SGCZ: variants seen among roughly 807,000 people sequenced by gnomAD.
SGCZ encodes the protein zeta-sarcoglycan.
A neutral mutation model predicts 41.3 loss-of-function variants in SGCZ; 40 were observed. The ratio of observed to expected loss-of-function variants is 0.97; its 90% CI spans 0.75 to 1.26. SGCZ has a LOEUF of 1.26. SGCZ is among the 50% of genes most tolerant of loss of function. The probability of loss-of-function intolerance (pLI) is 0.00; values close to 1 mark genes in which losing one functional copy is unlikely to be tolerated. For missense variants in SGCZ, 552 were observed against 369.8 expected, an observed-to-expected ratio of 1.49 and a Z score of -4.04; for synonymous variants, 206 against 137.5, an observed-to-expected ratio of 1.50 and a Z score of -3.49.
intron 2 of SGCZ, among the ~76,000 whole-genome samples, chr8:14,455,780 G>A (rs1204195219): frequency 6.6e-6 from 1 of 152,192 alleles, no homozygotes; most frequent in African/African-American, 2.4e-5. Context: ...AAACAAGAAT[G>A]AGGACAGGCT....
At chr8:14,687,540 C>A (rs1385543587) in intron 1 of SGCZ, among the ~76,000 whole-genome samples, 1 of 151,778 alleles carries the variant, frequency 6.6e-6, no homozygotes, top group Non-Finnish European at 1.5e-5. Context: ...TTTTTTATGG[C>A]TGCATAGTAT....
intron 5 of SGCZ, among the ~76,000 whole-genome samples, chr8:14,145,023 AC>A (rs1190207640): frequency 6.6e-6 from 1 of 152,146 alleles, no homozygotes; most frequent in East Asian, 1.9e-4. Context: ...CCCTGATGGC[AC>A]CTCTGGATCT....
chr8:14,130,422 C>G (rs541836473), intron 5 of SGCZ, among the ~76,000 whole-genome samples: 7 of 152,056 alleles, frequency 4.6e-5, no homozygotes, highest in Non-Finnish European at 8.8e-5. Context: ...AGATAACAGT[C>G]CTTCCTTCCA....
chr8:15,168,750 T>A (rs1409273298), intron 1 of SGCZ, among the ~76,000 whole-genome samples: 1 of 152,192 alleles, frequency 6.6e-6, no homozygotes, highest in Admixed American at 6.5e-5. Context: ...TCTTTTCTCC[T>A]CCTCTGTCCT....
At chr8:14,275,120 G>T (rs546707569) in intron 3 of SGCZ, among the ~76,000 whole-genome samples, 1 of 152,276 alleles carries the variant, frequency 6.6e-6, no homozygotes, top group East Asian at 1.9e-4. Context: ...TGTGTCCATA[G>T]TTATGCTGGT....
intron 1 of SGCZ, among the ~76,000 whole-genome samples, chr8:14,559,926 T>C (rs1012420368): frequency 6.6e-6 from 1 of 152,142 alleles, no homozygotes; most frequent in African/African-American, 2.4e-5. Context: ...GGCGTAGATG[T>C]GAAACCCATT....
intron 3 of SGCZ, among the ~76,000 whole-genome samples, chr8:14,300,517 T>C (rs1801151513): frequency 6.6e-6 from 1 of 152,088 alleles, no homozygotes; most frequent in Non-Finnish European, 1.5e-5. Context: ...TAAAGCCATC[T>C]ACTTTTTTAT....
intron 1 of SGCZ, among the ~76,000 whole-genome samples, chr8:14,803,112 T>C (rs1420064634): frequency 1.3e-5 from 2 of 152,190 alleles, no homozygotes; most frequent in Admixed American, 1.3e-4. Flanking sequence ...TCACTGACCA[T>C]GACATATATG....
intron 3 of SGCZ, among the ~76,000 whole-genome samples, chr8:14,295,769 C>T (rs1311418067): frequency 2.0e-5 from 3 of 152,126 alleles, no homozygotes; most frequent in Non-Finnish European, 1.5e-5. Context: ...AAACACAGAG[C>T]AACCAATAGA....
chr8:14,686,176 T>C (rs1808604125), intron 1 of SGCZ, among the ~76,000 whole-genome samples: 1 of 152,142 alleles, frequency 6.6e-6, no homozygotes, highest in Admixed American at 6.6e-5. Context: ...CCAATCACTT[T>C]ATTGAGTATC....
chr8:14,327,090 T>C (rs1176472366), intron 2 of SGCZ, among the ~76,000 whole-genome samples: 2 of 152,214 alleles, frequency 1.3e-5, no homozygotes, highest in East Asian at 1.9e-4. Context: ...AAATAGTGCA[T>C]AGTCAAAGAA....
At chr8:15,218,721 C>A (rs268336) in intron 1 of SGCZ, among the ~76,000 whole-genome samples, 133,777 of 152,222 alleles carry the variant, frequency 0.88, 58,976 homozygotes, top group Non-Finnish European at 0.9. Context: ...AACATATTAA[C>A]AATAACTGAG....
intron 1 of SGCZ, among the ~76,000 whole-genome samples, chr8:14,656,695 C>T (rs1186562190): frequency 6.6e-6 from 1 of 150,988 alleles, no homozygotes; most frequent in Non-Finnish European, 1.5e-5. Flanking sequence ...CTCTCTTTCA[C>T]TCTTTCTTTC....
At chr8:14,141,708 A>C (rs1402230696) in intron 5 of SGCZ, among the ~76,000 whole-genome samples, 1 of 152,248 alleles carries the variant, frequency 6.6e-6, no homozygotes, top group Non-Finnish European at 1.5e-5. Context: ...ACACTTTTCC[A>C]CTGTTGATGG....
intron 4 of SGCZ, among the ~76,000 whole-genome samples, chr8:14,232,301 C>G (rs1806600354): frequency 6.6e-6 from 1 of 151,976 alleles, no homozygotes; most frequent in Admixed American, 6.6e-5. Flanking sequence ...AGAAGGCAAG[C>G]ACCTCAGATC....
At chr8:14,590,727 T>C (rs1050331064) in intron 1 of SGCZ, among the ~76,000 whole-genome samples, 23 of 148,400 alleles carry the variant, frequency 1.5e-4, no homozygotes, top group Non-Finnish European at 1.6e-4. Flanking sequence ...ATATGTACTA[T>C]ATATATGACA....
At chr8:14,591,968 C>A (rs1001537074) in intron 1 of SGCZ, among the ~76,000 whole-genome samples, 4 of 152,028 alleles carry the variant, frequency 2.6e-5, no homozygotes, top group African/African-American at 9.7e-5. Context: ...TCCTATGATG[C>A]CAGCAATAGT....
chr8:14,800,920 C>A (rs1001729707), intron 1 of SGCZ, among the ~76,000 whole-genome samples: 1 of 151,962 alleles, frequency 6.6e-6, no homozygotes, highest in African/African-American at 2.4e-5. Context: ...AAAAAGATGA[C>A]AACCATAATG....
chr8:14,565,478 A>G (rs945718437), intron 1 of SGCZ, among the ~76,000 whole-genome samples: 1 of 152,090 alleles, frequency 6.6e-6, no homozygotes, highest in Admixed American at 6.6e-5. Flanking sequence ...GAGGTTATCA[A>G]CATGGAGAGA....
Sources: allele counts gnomAD v4.1 joint callset (sites outside exome capture counted in the v4.1 genomes callset), GRCh38; gene constraint gnomAD v4.1.1; transcripts MANE v1.5; gene names NCBI Gene and HGNC (gene_info 2026-07-23, HGNC 2026-07-21).